PIK3C2G: variants seen among roughly 807,000 people sequenced by gnomAD.
PIK3C2G encodes phosphatidylinositol-4-phosphate 3-kinase catalytic subunit type 2 gamma.
In PIK3C2G, 168 loss-of-function variants were observed where a neutral mutation model predicts 181.1. The observed-to-expected ratio is 0.93, with a 90% confidence interval of 0.82 to 1.05. The LOEUF (loss-of-function observed/expected upper bound fraction) is 1.05, where lower values mean the gene tolerates loss of function less well. Ranked by LOEUF, PIK3C2G falls within the 50% of genes least tolerant of loss-of-function variation. PIK3C2G has a pLI of 0.00. For synonymous variants in PIK3C2G, 573 were observed against 592.2 expected (o/e 0.97, Z 0.47); for missense variants, 1,869 against 1,732.8 (o/e 1.08, Z -1.40).
At chr12:18,559,589 T>A (rs1465712430) in intron 26 of PIK3C2G, among the ~76,000 whole-genome samples, 1 of 149,786 alleles carries the variant, frequency 6.7e-6, no homozygotes, top group African/African-American at 2.4e-5. Flanking sequence ...TATTAGGCAA[T>A]CTATGAATTC....
chr12:18,562,645 T>TA, intron 26 of PIK3C2G, 58 bp from the exon 27 acceptor site: 2 of 1,018,382 alleles, frequency 2.0e-6, no homozygotes, highest in Non-Finnish European at 2.9e-6. Context: ...AGATCATAAA[T>TA]GAAATGAGTA....
At chr12:18,378,313 T>C (rs1359893447) in intron 13 of PIK3C2G, among the ~76,000 whole-genome samples, 4 of 144,188 alleles carry the variant, frequency 2.8e-5, no homozygotes, top group East Asian at 4.1e-4. Context: ...TCCTCATGAG[T>C]TCCCCCCCCC....
intron 13 of PIK3C2G, among the ~76,000 whole-genome samples, chr12:18,375,975 C>A (rs542474649): frequency 5.6e-4 from 85 of 152,230 alleles, no homozygotes; most frequent in Non-Finnish European, 1.1e-3. Flanking sequence ...TTAACCTCCA[C>A]CTAGATTTCA....
chr12:18,325,186 T>TAC, intron 8 of PIK3C2G, 88 bp downstream of exon 8: 1 of 687,632 alleles, frequency 1.5e-6, no homozygotes, highest in Admixed American at 2.8e-5. Context: ...ATTTTGAAGA[T>TAC]GACAAAAATG....
chr12:18,314,116 C>G (rs1950759374), intron 6 of PIK3C2G, 52 bp downstream of exon 6: 2 of 877,418 alleles, frequency 2.3e-6, no homozygotes, highest in Non-Finnish European at 3.6e-6. Flanking sequence ...GTTTTAAGGA[C>G]AATATTTCTA....
chr12:18,579,077 C>T (rs1352467146), intron 29 of PIK3C2G, among the ~76,000 whole-genome samples: 3 of 151,970 alleles, frequency 2.0e-5, no homozygotes, highest in Non-Finnish European at 4.4e-5. Flanking sequence ...TATTTAATAT[C>T]ATTACATAAC....
the PIK3C2G span, among the ~76,000 whole-genome samples, chr12:18,704,471 G>A: frequency 6.6e-6 from 1 of 152,074 alleles, no homozygotes; most frequent in African/African-American, 2.4e-5. Context: ...GATTACAGGT[G>A]GATGCCACGA....
chr12:18,268,194 A>T (rs888382501), intron 1 of PIK3C2G, among the ~76,000 whole-genome samples: 4 of 152,116 alleles, frequency 2.6e-5, no homozygotes, highest in African/African-American at 9.7e-5. Flanking sequence ...ATCTGTTTTG[A>T]CTTACATATG....
intron 11 of PIK3C2G, among the ~76,000 whole-genome samples, chr12:18,360,236 T>C (rs1941115645): frequency 6.6e-6 from 1 of 152,176 alleles, no homozygotes; most frequent in Admixed American, 6.5e-5. Flanking sequence ...TTTAACCTTT[T>C]AACTAAAATT....
chr12:18,495,232 T>A (rs1940908914), intron 20 of PIK3C2G, among the ~76,000 whole-genome samples: 1 of 152,040 alleles, frequency 6.6e-6, no homozygotes, highest in Non-Finnish European at 1.5e-5. Context: ...AATGAAGTCT[T>A]CAATGCCATC....
intron 29 of PIK3C2G, among the ~76,000 whole-genome samples, chr12:18,584,284 G>A (rs149495448): frequency 0.014 from 2,166 of 152,072 alleles, 44 homozygotes; most frequent in African/African-American, 0.049. Context: ...GCCTTCCAAA[G>A]TGCTGGGATT....
At chr12:18,707,254 A>T in the PIK3C2G span, among the ~76,000 whole-genome samples, 1 of 152,184 alleles carries the variant, frequency 6.6e-6, no homozygotes, top group African/African-American at 2.4e-5. Flanking sequence ...CCCTTATTTG[A>T]CCTACACAAT....
intron 9 of PIK3C2G, among the ~76,000 whole-genome samples, chr12:18,340,345 G>A (rs536455797): frequency 2.0e-4 from 31 of 152,238 alleles, no homozygotes; most frequent in African/African-American, 7.2e-4. Flanking sequence ...ATTTGTGTTG[G>A]GCCACATTCA....
At chr12:18,509,295 G>A (rs1052570357) in intron 24 of PIK3C2G, among the ~76,000 whole-genome samples, 5 of 152,072 alleles carry the variant, frequency 3.3e-5, no homozygotes, top group Admixed American at 1.3e-4. Context: ...CAATTCGCCC[G>A]CCTCGGCCTC....
intron 29 of PIK3C2G, among the ~76,000 whole-genome samples, chr12:18,589,542 G>A (rs1419779397): frequency 1.3e-5 from 2 of 151,948 alleles, no homozygotes; most frequent in African/African-American, 2.4e-5. Context: ...ATAGTCAGTA[G>A]ACATGCTATT....
chr12:18,590,746 G>A (rs994480608), intron 29 of PIK3C2G, among the ~76,000 whole-genome samples: 2 of 151,890 alleles, frequency 1.3e-5, no homozygotes, highest in African/African-American at 2.4e-5. Flanking sequence ...ATTACTTTTT[G>A]TACCTTCTTC....
chr12:18,562,885 C>T lies in PIK3C2G; in HGVS notation c.3773C>T (p.Ser1258Phe), dbSNP rs1379181643. ...RATILGFSKK[S>F]SNLYLIQVTH... is the part of the protein sequence containing the mutation. ...ACAATTTTAGGGTTCAGCAAGAAAT[C>T]CAGTAATGTAAGTTTAAAGTCCGTC... The change falls in exon 27 of 33, where the codon TCC (serine) becomes TTC (phenylalanine). Residue 1258 changes from serine to phenylalanine, a missense_variant. Transcript: ENST00000538779. The T allele has an allele frequency of 4.4e-6, 7 of 1,591,496 alleles. No individual in the cohort carries two copies. Among genetic ancestry groups the T allele is most frequent in the Middle Eastern group, 1.7e-4 (1 of 6,048 alleles).
At chr12:18,395,855 C>A (rs11044073) in intron 15 of PIK3C2G, among the ~76,000 whole-genome samples, 6,343 of 150,862 alleles carry the variant, frequency 0.042, 184 homozygotes, top group Non-Finnish European at 0.066. Context: ...GAAAACCACA[C>A]CCCTTAAATT....
chr12:18,701,712 C>A, the PIK3C2G span: 1 of 1,611,448 alleles, frequency 6.2e-7, no homozygotes, highest in Non-Finnish European at 8.5e-7. Context: ...AGAACCTTTT[C>A]TTTCATGGGT....
Sources: gnomAD v4.1 joint callset for allele counts (sites outside exome capture counted in the v4.1 genomes callset) on GRCh38, gnomAD v4.1.1 for gene constraint, MANE v1.5 for transcripts, NCBI Gene and HGNC (gene_info 2026-07-23, HGNC 2026-07-21) for gene names.